Variants in MGAT4C observed in about 807,000 individuals in gnomAD.
The protein encoded by MGAT4C is MGAT4 family member C, also known as alpha-1,3-mannosyl-glycoprotein 4-beta-N-acetylglucosaminyltransferase C.
Under a neutral mutation model 40.1 loss-of-function variants are expected in MGAT4C, and 19 were observed. That is an observed-to-expected ratio of 0.47 (90% CI 0.33 to 0.70). The LOEUF (loss-of-function observed/expected upper bound fraction) is 0.70, where lower values mean the gene tolerates loss of function less well. Among genes scored for constraint, MGAT4C ranks in the 30% least tolerant of loss-of-function variants. The pLI, the probability that MGAT4C is intolerant of heterozygous loss-of-function variation, is 0.02. For missense variants in MGAT4C, 491 were observed against 563.2 expected, an observed-to-expected ratio of 0.87 and a Z score of 1.30; for synonymous variants, 181 against 187.1, an observed-to-expected ratio of 0.97 and a Z score of 0.27.
intron 2 of MGAT4C, among the ~76,000 whole-genome samples, chr12:86,649,142 C>A (rs543688903): frequency 3.3e-5 from 5 of 151,892 alleles, no homozygotes; most frequent in Middle Eastern, 3.4e-3. Context: ...AATATTTACA[C>A]CTAAGCATTT....
At chr12:86,754,956 TA>T (rs576192604) in intron 1 of MGAT4C, among the ~76,000 whole-genome samples, 4 of 152,240 alleles carry the variant, frequency 2.6e-5, no homozygotes, top group African/African-American at 7.2e-5. Context: ...GTCTCTCAAA[TA>T]ATTTCTTCAC....
chr12:86,316,072 C>G (rs1372949387), intron 4 of MGAT4C, among the ~76,000 whole-genome samples: 1 of 9,578 alleles, frequency 1.0e-4, no homozygotes, highest in Admixed American at 1.3e-3. Flanking sequence ...AGAATAAATA[C>G]AAGCAGCAAA....
At chr12:86,432,966 G>A (rs1957069475) in intron 3 of MGAT4C, among the ~76,000 whole-genome samples, 1 of 151,694 alleles carries the variant, frequency 6.6e-6, no homozygotes, top group Non-Finnish European at 1.5e-5. Context: ...GTGGGTATGA[G>A]GCTTGATAGG....
chr12:86,213,668 T>C (rs1950567106), intron 1 of MGAT4C, among the ~76,000 whole-genome samples: 1 of 152,256 alleles, frequency 6.6e-6, no homozygotes, highest in Non-Finnish European at 1.5e-5. Flanking sequence ...CTAGCCATTT[T>C]TATATAAAAC....
At chr12:86,608,641 T>C (rs1962131287) in intron 2 of MGAT4C, among the ~76,000 whole-genome samples, 1 of 152,000 alleles carries the variant, frequency 6.6e-6, no homozygotes, top group Non-Finnish European at 1.5e-5. Context: ...CTTGACTGAA[T>C]TTCATGTGGA....
chr12:86,750,322 A>T (rs566996520), intron 1 of MGAT4C, among the ~76,000 whole-genome samples: 2 of 151,982 alleles, frequency 1.3e-5, no homozygotes, highest in African/African-American at 4.8e-5. Context: ...GCCTGAAGAC[A>T]TGTTCTTGTT....
At chr12:86,219,463 G>A (rs919413494) in intron 1 of MGAT4C, among the ~76,000 whole-genome samples, 1 of 152,214 alleles carries the variant, frequency 6.6e-6, no homozygotes, top group Non-Finnish European at 1.5e-5. Flanking sequence ...TCTTGCACCT[G>A]TTGGATCATT....
chr12:86,643,392 AAT>A (rs1963447859), intron 2 of MGAT4C, among the ~76,000 whole-genome samples: 1 of 151,878 alleles, frequency 6.6e-6, no homozygotes, highest in Non-Finnish European at 1.5e-5. Flanking sequence ...CATTTTCATG[AAT>A]AGCCATAACC....
intron 2 of MGAT4C, among the ~76,000 whole-genome samples, chr12:86,706,681 A>G (rs953884754): frequency 1.5e-4 from 23 of 152,318 alleles, no homozygotes; most frequent in African/African-American, 4.3e-4. Context: ...ATTATTCCCT[A>G]AATTATGAAT....
At chr12:86,010,678 T>G (rs1888368738) in intron 2 of MGAT4C, among the ~76,000 whole-genome samples, 1 of 132,198 alleles carries the variant, frequency 7.6e-6, no homozygotes, top group Admixed American at 7.4e-5. Context: ...ACTCTGTCTC[T>G]AACAAACAAA....
At chr12:86,164,103 G>A (rs914447265) in intron 1 of MGAT4C, among the ~76,000 whole-genome samples, 2 of 152,166 alleles carry the variant, frequency 1.3e-5, no homozygotes, top group African/African-American at 4.8e-5. Flanking sequence ...AAGAATGTCA[G>A]ATGCCTTTGA....
At chr12:86,733,105 T>G (rs1296240675) in intron 1 of MGAT4C, among the ~76,000 whole-genome samples, 4 of 152,030 alleles carry the variant, frequency 2.6e-5, no homozygotes, top group Non-Finnish European at 4.4e-5. Context: ...AATTACTCTA[T>G]CCAGTATAAA....
At chr12:86,729,303 T>C (rs956294499) in intron 1 of MGAT4C, among the ~76,000 whole-genome samples, 1 of 152,134 alleles carries the variant, frequency 6.6e-6, no homozygotes, top group Non-Finnish European at 1.5e-5. Context: ...TGCCTGCCTG[T>C]ATCAAAATAT....
intron 2 of MGAT4C, among the ~76,000 whole-genome samples, chr12:86,033,024 C>T (rs773268887): frequency 3.3e-5 from 5 of 149,342 alleles, no homozygotes; most frequent in Non-Finnish European, 7.5e-5. Context: ...AATAGGGAGT[C>T]CTTTCTCCAT....
In MGAT4C at chr12:86,415,948, CA is replaced by C. The variant is rs139181065; in HGVS notation, c.-120+19208del. Among the ~76,000 whole-genome samples the C allele has an allele frequency of 5.4e-4, 82 of 152,022 alleles. No homozygotes were observed. The Middle Eastern group carries it at 0.027, about 51-fold the overall frequency. On this transcript the variant is annotated intron_variant, in intron 3 of 7. Transcript: ENST00000548651. ...CAAAAAAGATTTCAGGAAATATAACCAGGTGAGGATGACTCTAAAAAGAATG... is the reference window on the plus strand; with the variant it reads ...CAAAAAAGATTTCAGGAAATATAACCGGTGAGGATGACTCTAAAAAGAATG...
At chr12:86,734,890 T>C (rs769330375) in intron 1 of MGAT4C, among the ~76,000 whole-genome samples, 5 of 152,086 alleles carry the variant, frequency 3.3e-5, no homozygotes, top group Admixed American at 1.3e-4. Flanking sequence ...GCTGTATTTG[T>C]TCTGGTAAGA....
At chr12:86,758,731 T>A (rs1478353041) in intron 1 of MGAT4C, among the ~76,000 whole-genome samples, 1 of 152,044 alleles carries the variant, frequency 6.6e-6, no homozygotes, top group African/African-American at 2.4e-5. Flanking sequence ...GGTTATTTTG[T>A]TATGCAAAAT....
In MGAT4C at chr12:85,972,692, A is replaced by G. The variant is rs1209856465; in HGVS notation, c.*6597T>C. ...CTTGTATTGAAAACCGGATTACATT[A>G]AAGGATGGACAATTATGATAAAGGA... is the stretch of plus-strand genomic sequence containing the variant. On this transcript the variant is annotated 3_prime_UTR_variant, in exon 5 of 5. Coordinates refer to ENST00000611864, the MANE Select transcript of MGAT4C (RefSeq NM_001351288.2). The G allele has an allele frequency of 6.6e-6, 1 of 151,054 alleles. No homozygotes were observed. Among genetic ancestry groups the G allele is most frequent in the Non-Finnish European group, 1.5e-5 (1 of 67,220 alleles). The allele number at this position is 151,054 out of a possible 1,614,324, so 9.4% of individuals were successfully genotyped here. A position where few individuals can be genotyped will look rare whatever the true frequency, so the allele number is the denominator to read the frequency against.
At chr12:86,447,054 G>T (rs1207610633) in intron 2 of MGAT4C, among the ~76,000 whole-genome samples, 1 of 152,046 alleles carries the variant, frequency 6.6e-6, no homozygotes. Context: ...GTAGAACAGT[G>T]ACCCTTCAAC....
Sources: allele counts gnomAD v4.1 joint callset (sites outside exome capture counted in the v4.1 genomes callset), GRCh38; gene constraint gnomAD v4.1.1; transcripts MANE v1.5; gene names NCBI Gene and HGNC (gene_info 2026-07-23, HGNC 2026-07-21).